PTGDR: variants seen among roughly 807,000 people sequenced by gnomAD.
The protein encoded by PTGDR is prostaglandin D2 receptor.
PTGDR carries 19 observed loss-of-function variants against 17.4 expected under a neutral mutation model. That is an observed-to-expected ratio of 1.09 (90% CI 0.76 to 1.60). The LOEUF is 1.60. PTGDR is among the 40% of genes most tolerant of loss of function. The probability of loss-of-function intolerance (pLI) is 0.00; values close to 1 mark genes in which losing one functional copy is unlikely to be tolerated. For synonymous variants in PTGDR, 267 were observed against 224.2 expected (o/e 1.19, Z -1.71); for missense variants, 526 against 481.9 (o/e 1.09, Z -0.86).
At position 52,268,132 on chromosome 14, in the gene PTGDR, A is replaced by C. The variant is rs767403399; in HGVS notation, c.318A>C (p.Gln106His). The stretch of plus-strand genomic sequence containing the variant: ...CCGCATTGGACAACTCGTTGTGCCA[A>C]GCCTTCGCCTTCTTCATGTCCTTCT... Reference protein sequence around the residue: ...LAPALDNSLCQAFAFFMSFFG... With the variant: ...LAPALDNSLCHAFAFFMSFFG... Residue 106 changes from glutamine (Q) to histidine (H), a missense_variant, in exon 1 of 2, where the codon CAA (glutamine) becomes CAC (histidine). Gln to His is a conservative substitution (Grantham distance 24). Coordinates refer to ENST00000306051, the MANE Select transcript of PTGDR (RefSeq NM_000953.3). The C allele has an allele frequency of 6.2e-7, 1 of 1,614,134 alleles. No homozygotes were observed.
intron 1 of PTGDR, among the ~76,000 whole-genome samples, chr14:52,269,289 G>A (rs575340207): frequency 5.1e-4 from 78 of 152,320 alleles, no homozygotes; most frequent in Admixed American, 2.6e-3. Flanking sequence ...GATGGAGGCC[G>A]AGGCTCTTTG....
chr14:52,274,626 C>A (rs1264336001), intron 1 of PTGDR, 105 bp from the exon 2 acceptor site: 1 of 997,512 alleles, frequency 1.0e-6, no homozygotes, highest in Non-Finnish European at 1.5e-6. Flanking sequence ...AATGGGTGTT[C>A]CAAGCTAAGC....
chr14:52,269,539 A>G (rs1373877865), intron 1 of PTGDR: 1 of 1,531,262 alleles, frequency 6.5e-7, no homozygotes, highest in African/African-American at 1.4e-5. Context: ...CCTTTCTCCC[A>G]AGGTACCTGT....
Position 52,267,785 on chromosome 14 carries a change from C to T in PTGDR, c.-30C>T, listed in dbSNP as rs761908608. On this transcript the variant is annotated 5_prime_UTR_variant, in exon 1 of 2. Coordinates refer to ENST00000306051, the MANE Select transcript of PTGDR (RefSeq NM_000953.3). ...GCCGGGGCCCTCGCCCTTCCGCAGC[C>T]TTCACTCCAGCCCTCTGCTCCCGCA... The T allele has an allele frequency of 2.6e-6, 4 of 1,514,940 alleles. No homozygotes were observed. Among genetic ancestry groups the T allele is most frequent in the Non-Finnish European group, 3.5e-6 (4 of 1,133,056 alleles). The allele number at this position is 1,514,940 out of a possible 1,614,324, so 93.8% of individuals were successfully genotyped here.
Position 52,275,089 on chromosome 14 carries a change from T to C in PTGDR, c.*125T>C, listed in dbSNP as rs1369213308. 3 of 746,448 alleles carry C rather than the reference T, an allele frequency of 4.0e-6. No individual in the cohort carries two copies. The highest frequency in any genetic ancestry group is 3.9e-5 in the South Asian group (2 of 51,224). The allele number at this position is 746,448 out of a possible 1,614,324, so 46.2% of individuals were successfully genotyped here. ...AAAGTTACCTCCCATAACAAAAGCA[T>C]GTATATGTATTTTCAAAAGTATTTG... On this transcript the variant is annotated 3_prime_UTR_variant, in exon 2 of 2. Coordinates refer to ENST00000306051, the MANE Select transcript of PTGDR (RefSeq NM_000953.3).
In PTGDR at chr14:52,274,757, G is replaced by A. The variant is rs762781041; in HGVS notation, c.873G>A (p.Lys291=). 3.1e-6 allele frequency: 5 copies of A among 1,612,878 alleles called. No individual in the cohort carries two copies. Among genetic ancestry groups the A allele is most frequent in the Admixed American group, 3.3e-5 (2 of 60,016 alleles). Residue 291 remains lysine, a synonymous_variant, in exon 2 of 2, where the codon AAG becomes AAA. Transcript: ENST00000306051. ...ATCGCGCTTACTATGGAGCATTTAA[G>A]GATGTCAAGGAGAAAAACAGGACCT... ...VIYRAYYGAF[K]DVKEKNRTSE...
chr14:52,268,776 C>A, intron 1 of PTGDR, 116 bp downstream of exon 1: 1 of 1,171,662 alleles, frequency 8.5e-7, no homozygotes, highest in Non-Finnish European at 1.2e-6. Context: ...GCGCCCTGGG[C>A]CAGGAAGGTT....
chr14:52,274,998 A>G lies in PTGDR; in HGVS notation c.*34A>G. On this transcript the variant is annotated 3_prime_UTR_variant, in exon 2 of 2. Coordinates refer to ENST00000306051, the MANE Select transcript of PTGDR (RefSeq NM_000953.3). ...TTCACTCTGTGGTAAGCTGAGGAAT[A>G]TGTCACATTTTCAGTCAAAGAACCA... 1 of 1,403,280 alleles carries G rather than the reference A, an allele frequency of 7.1e-7. No individual in the cohort carries two copies. The highest frequency in any genetic ancestry group is 9.8e-7 in the Non-Finnish European group (1 of 1,016,244). 86.9% of individuals were successfully genotyped at this position (1,403,280 alleles called of 1,614,324 possible).
intron 1 of PTGDR, chr14:52,269,629 T>G: frequency 9.1e-7 from 1 of 1,102,408 alleles, no homozygotes; most frequent in Non-Finnish European, 1.3e-6. Context: ...AATAGGAAAG[T>G]TGTTAAATTT....
Position 52,275,843 on chromosome 14 carries a change from G to A in PTGDR, c.*879G>A, listed in dbSNP as rs1307097377. ...GAAAACCAGTGTGTGACTCACTGTA[G>A]AGCCATGTTTACTGTTTGACTGTGT... On this transcript the variant is annotated 3_prime_UTR_variant, in exon 2 of 2. Transcript: ENST00000306051. 1 of 152,560 alleles carries A rather than the reference G, an allele frequency of 6.6e-6. No homozygotes were observed. The highest frequency in any genetic ancestry group is 1.5e-5 in the Non-Finnish European group (1 of 68,042). 9.5% of individuals were successfully genotyped at this position (152,560 alleles called of 1,614,324 possible).
chr14:52,277,410 T>C (rs921070389), downstream of PTGDR, among the ~76,000 whole-genome samples: 3 of 152,142 alleles, frequency 2.0e-5, no homozygotes, highest in African/African-American at 4.8e-5. Flanking sequence ...ATATGGTTAA[T>C]AAATGTAGAA....
chr14:52,279,879 C>T (rs570852018), downstream of PTGDR, among the ~76,000 whole-genome samples: 104 of 143,880 alleles, frequency 7.2e-4, no homozygotes, highest in Middle Eastern at 7.0e-3. Flanking sequence ...TTTTTTTTTT[C>T]CTACTAAAAT....
In PTGDR at chr14:52,275,203, A is replaced by G. The variant is rs766763427; in HGVS notation, c.*239A>G. Reference sequence around the variant, plus strand: ...ATTAACAGCAACTAAAATTTTATATATTGTAACCAGTGTTAAAAGTCTTAA... The same window carrying G: ...ATTAACAGCAACTAAAATTTTATATGTTGTAACCAGTGTTAAAAGTCTTAA... On this transcript the variant is annotated 3_prime_UTR_variant, in exon 2 of 2. Coordinates refer to ENST00000306051, the MANE Select transcript of PTGDR (RefSeq NM_000953.3). 3.8e-4 allele frequency: 165 copies of G among 429,978 alleles called. 1 individual carries two copies. The highest frequency in any genetic ancestry group is 7.9e-5 in the Non-Finnish European group (19 of 240,552). 26.6% of individuals were successfully genotyped at this position (429,978 alleles called of 1,614,324 possible).
intron 1 of PTGDR, among the ~76,000 whole-genome samples, chr14:52,274,076 GA>G (rs35690440): frequency 0.015 from 2,096 of 138,040 alleles, 41 homozygotes; most frequent in African/African-American, 0.049. Flanking sequence ...GATTGAACAA[GA>G]AAAAAAAAAA....
chr14:52,278,178 A>G (rs574721723), downstream of PTGDR, among the ~76,000 whole-genome samples: 1 of 152,364 alleles, frequency 6.6e-6, no homozygotes, highest in East Asian at 1.9e-4. Context: ...GTATGTTTAT[A>G]GTGGCACTAT....
intron 1 of PTGDR, among the ~76,000 whole-genome samples, chr14:52,273,158 G>A (rs952944103): frequency 1.1e-4 from 16 of 152,002 alleles, no homozygotes; most frequent in South Asian, 4.1e-4. Flanking sequence ...GATTACAGGC[G>A]CCCACCACCA....
intron 1 of PTGDR, among the ~76,000 whole-genome samples, chr14:52,271,039 G>C (rs573859063): frequency 6.6e-6 from 1 of 152,230 alleles, no homozygotes; most frequent in African/African-American, 2.4e-5. Context: ...ATCAGACATG[G>C]TTTTGAATCA....
intron 1 of PTGDR, among the ~76,000 whole-genome samples, chr14:52,272,349 T>C (rs1299667394): frequency 6.6e-6 from 1 of 151,866 alleles, no homozygotes; most frequent in Non-Finnish European, 1.5e-5. Flanking sequence ...CACATGCCTG[T>C]AGTCCCAGCT....
In PTGDR at chr14:52,270,201, T is replaced by A. The variant is rs1297153332; in HGVS notation, c.846+1541T>A. Among the ~76,000 whole-genome samples, 4 of 152,108 alleles carry A rather than the reference T, an allele frequency of 2.6e-5. No homozygotes were observed. In the South Asian group the frequency reaches 6.2e-4, roughly 24 times the overall value. ...GAGCCAAATACTATTTCAAGAAAAA[T>A]ACTGTTCCAAGAAAACGTTTTATTC... is the stretch of plus-strand genomic sequence containing the variant. On this transcript the variant is annotated intron_variant, in intron 1 of 1. Coordinates refer to ENST00000306051, the MANE Select transcript of PTGDR (RefSeq NM_000953.3).
Sources: allele counts gnomAD v4.1 joint callset (sites outside exome capture counted in the v4.1 genomes callset), GRCh38; gene constraint gnomAD v4.1.1; transcripts MANE v1.5; gene names NCBI Gene and HGNC (gene_info 2026-07-23, HGNC 2026-07-21).